ASTN2: variants seen among roughly 807,000 people sequenced by gnomAD.
The protein encoded by ASTN2 is astrotactin-2.
Under a neutral mutation model 139.8 loss-of-function variants are expected in ASTN2, and 54 were observed. That is an observed-to-expected ratio of 0.39 (90% confidence interval 0.31 to 0.48). The LOEUF is 0.48. Ranked by LOEUF, ASTN2 falls within the 20% of genes least tolerant of loss-of-function variation. ASTN2 has a pLI of 0.95. For missense variants in ASTN2, 1,565 were observed against 1,725.1 expected, an observed-to-expected ratio of 0.91 and a Z score of 1.64; for synonymous variants, 756 against 719.5, an observed-to-expected ratio of 1.05 and a Z score of -0.81.
chr9:117,222,506 C>G (rs1229336314), intron 2 of ASTN2, among the ~76,000 whole-genome samples: 1 of 152,134 alleles, frequency 6.6e-6, no homozygotes, highest in Admixed American at 6.5e-5. Flanking sequence ...AAGAGAAGGC[C>G]CAGTGGATCA....
At chr9:116,942,594 C>T (rs1256442861) in intron 10 of ASTN2, among the ~76,000 whole-genome samples, 3 of 152,172 alleles carry the variant, frequency 2.0e-5, no homozygotes, top group African/African-American at 7.2e-5. Flanking sequence ...CAAGGTGGAG[C>T]ACTGATTTGC....
At chr9:116,520,416 T>C (rs1850818255) in intron 19 of ASTN2, among the ~76,000 whole-genome samples, 2 of 152,192 alleles carry the variant, frequency 1.3e-5, no homozygotes, top group Middle Eastern at 3.4e-3. Context: ...ATCATCTCAA[T>C]AGATTCAGAA....
intron 20 of ASTN2, among the ~76,000 whole-genome samples, chr9:116,484,490 T>TA (rs758311730): frequency 1.3e-5 from 2 of 151,806 alleles, no homozygotes; most frequent in Non-Finnish European, 2.9e-5. Flanking sequence ...CGAATTTGGG[T>TA]AAAAAATGAG....
At chr9:116,952,624 C>T (rs138637709) in intron 10 of ASTN2, among the ~76,000 whole-genome samples, 117 of 152,192 alleles carry the variant, frequency 7.7e-4, no homozygotes, top group Middle Eastern at 6.8e-3. Context: ...AATGAATTGC[C>T]GTCTTTGCAG....
intron 4 of ASTN2, among the ~76,000 whole-genome samples, chr9:117,132,227 G>C (rs1479565101): frequency 6.6e-6 from 1 of 152,240 alleles, no homozygotes; most frequent in Non-Finnish European, 1.5e-5. Context: ...GAACCAGGCT[G>C]GGATAGCTGG....
chr9:117,185,658 G>T (rs1014693911), intron 3 of ASTN2, among the ~76,000 whole-genome samples: 6 of 152,168 alleles, frequency 3.9e-5, no homozygotes, highest in African/African-American at 1.4e-4. Context: ...TTCATGGAGT[G>T]CTTGAAAAGA....
At chr9:117,363,153 A>G (rs927830325) in intron 1 of ASTN2, among the ~76,000 whole-genome samples, 1 of 152,076 alleles carries the variant, frequency 6.6e-6, no homozygotes, top group African/African-American at 2.4e-5. Context: ...TCTTCTGAGT[A>G]TGTTCAGAAG....
chr9:116,629,205 C>A (rs767151301), intron 17 of ASTN2, among the ~76,000 whole-genome samples: 1 of 151,104 alleles, frequency 6.6e-6, no homozygotes, highest in Non-Finnish European at 1.5e-5. Context: ...GCAAACTCCA[C>A]CTCCCGGGTT....
chr9:116,445,662 T>C (rs1588065688), intron 20 of ASTN2, among the ~76,000 whole-genome samples: 1 of 152,188 alleles, frequency 6.6e-6, no homozygotes, highest in South Asian at 2.1e-4. Context: ...CTTTCTCCAA[T>C]TGCTGGCTGA....
At chr9:116,981,052 T>C (rs908797053) in intron 7 of ASTN2, among the ~76,000 whole-genome samples, 1 of 152,160 alleles carries the variant, frequency 6.6e-6, no homozygotes, top group Non-Finnish European at 1.5e-5. Flanking sequence ...CTGCATTGCC[T>C]GGTACAGAGT....
chr9:116,936,410 G>C (rs1396988434), intron 10 of ASTN2, among the ~76,000 whole-genome samples: 1 of 152,076 alleles, frequency 6.6e-6, no homozygotes, highest in African/African-American at 2.4e-5. Flanking sequence ...GTGTGCTGAT[G>C]AGGTGCCAAG....
intron 16 of ASTN2, among the ~76,000 whole-genome samples, chr9:116,694,034 G>A (rs1277497003): frequency 6.6e-6 from 1 of 152,292 alleles, no homozygotes; most frequent in Non-Finnish European, 1.5e-5. Context: ...TTAGTGAGGG[G>A]AACACAGGTT....
intron 3 of ASTN2, among the ~76,000 whole-genome samples, chr9:117,211,642 C>T (rs745353753): frequency 3.0e-4 from 45 of 152,106 alleles, no homozygotes; most frequent in Non-Finnish European, 5.4e-4. Context: ...TACCCAGTCT[C>T]AGGTAGTTCT....
chr9:116,991,597 A>AT (rs1836858889), intron 7 of ASTN2, among the ~76,000 whole-genome samples: 1 of 152,046 alleles, frequency 6.6e-6, no homozygotes, highest in African/African-American at 2.4e-5. Flanking sequence ...AAAAAAAAAA[A>AT]AAAAAGCAGA....
chr9:116,754,391 C>T (rs1188275175), intron 13 of ASTN2, among the ~76,000 whole-genome samples: 1 of 152,184 alleles, frequency 6.6e-6, no homozygotes, highest in Non-Finnish European at 1.5e-5. Context: ...GCCACACTGT[C>T]TTCCACAATG....
At chr9:117,017,989 T>A (rs7047635) in intron 6 of ASTN2, among the ~76,000 whole-genome samples, 1 of 149,656 alleles carries the variant, frequency 6.7e-6, no homozygotes, top group African/African-American at 2.5e-5. Context: ...TTGCTCTCAC[T>A]TACCCAGGCT....
intron 13 of ASTN2, 115 bp from the exon 14 acceptor site, chr9:116,733,638 G>A: frequency 7.4e-7 from 1 of 1,348,726 alleles, no homozygotes; most frequent in East Asian, 2.4e-5. Context: ...GGGTGACTTT[G>A]CTGTAATGCC....
intron 2 of ASTN2, among the ~76,000 whole-genome samples, chr9:117,271,892 T>C (rs1051910068): frequency 6.6e-6 from 1 of 152,130 alleles, no homozygotes; most frequent in African/African-American, 2.4e-5. Flanking sequence ...TGGGCTGCCA[T>C]TGAGTGTCTG....
chr9:116,973,173 C>T (rs1836256432), intron 10 of ASTN2, among the ~76,000 whole-genome samples: 1 of 152,154 alleles, frequency 6.6e-6, no homozygotes, highest in South Asian at 2.1e-4. Context: ...GAAGGCATTA[C>T]CTCTATGCCT....
Sources: gnomAD v4.1 joint callset for allele counts (sites outside exome capture counted in the v4.1 genomes callset) on GRCh38, gnomAD v4.1.1 for gene constraint, MANE v1.5 for transcripts, NCBI Gene and HGNC (gene_info 2026-07-23, HGNC 2026-07-21) for gene names.